C2CD5: variants seen among roughly 807,000 people sequenced by gnomAD.
The protein encoded by C2CD5 is C2 calcium dependent domain containing 5, also known as C2 domain-containing protein 5.
C2CD5 carries 109 observed loss-of-function variants against 130.3 expected under a neutral mutation model. The observed-to-expected ratio is 0.84, with a 90% CI of 0.72 to 0.98. The LOEUF (loss-of-function observed/expected upper bound fraction) is 0.98. Among genes scored for constraint, C2CD5 ranks in the 50% least tolerant of loss-of-function variants. C2CD5 has a pLI of 0.00. For synonymous variants in C2CD5, 454 were observed against 429.2 expected, an observed-to-expected ratio of 1.06 and a Z score of -0.71; for missense variants, 996 against 1,261.8, an observed-to-expected ratio of 0.79 and a Z score of 3.19.
intron 10 of C2CD5, among the ~76,000 whole-genome samples, chr12:22,499,675 A>G (rs764455383): frequency 6.6e-6 from 1 of 152,084 alleles, no homozygotes; most frequent in Non-Finnish European, 1.5e-5. Context: ...ATCTAATGCA[A>G]ATGTGCCCAT....
chr12:22,451,893 T>C (rs1443703756), intron 26 of C2CD5, among the ~76,000 whole-genome samples: 4 of 152,108 alleles, frequency 2.6e-5, no homozygotes, highest in African/African-American at 9.7e-5. Context: ...TAAAAGATAA[T>C]AGTAACAACT....
At chr12:22,483,358 CAA>C (rs980692263) in intron 13 of C2CD5, among the ~76,000 whole-genome samples, 22 of 151,410 alleles carry the variant, frequency 1.5e-4, no homozygotes, top group Middle Eastern at 3.4e-3. Flanking sequence ...AAAAAAAATA[CAA>C]AAGTCACTTG....
At chr12:22,502,281 AAC>A (rs1947896665) in intron 10 of C2CD5, among the ~76,000 whole-genome samples, 1 of 152,144 alleles carries the variant, frequency 6.6e-6, no homozygotes, top group South Asian at 2.1e-4. Flanking sequence ...TAAAAATGCT[AAC>A]AGTTACACTT....
At chr12:22,493,788 T>C (rs1385152538) in intron 10 of C2CD5, among the ~76,000 whole-genome samples, 1 of 152,014 alleles carries the variant, frequency 6.6e-6, no homozygotes. Context: ...TTGTGGGTTC[T>C]TTCCAAGGCA....
chr12:22,483,593 A>C (rs560889351), intron 13 of C2CD5, among the ~76,000 whole-genome samples: 2 of 152,314 alleles, frequency 1.3e-5, no homozygotes, highest in East Asian at 3.9e-4. Context: ...GCAGACCATC[A>C]AAAGAAATAC....
At chr12:22,497,887 C>T (rs986033055) in intron 10 of C2CD5, among the ~76,000 whole-genome samples, 1 of 142,928 alleles carries the variant, frequency 7.0e-6, no homozygotes, top group Non-Finnish European at 1.5e-5. Flanking sequence ...AATTTCACTA[C>T]ATACACGCAT....
chr12:22,492,385 C>T (rs1321224321), intron 11 of C2CD5, among the ~76,000 whole-genome samples: 1 of 152,110 alleles, frequency 6.6e-6, no homozygotes, highest in South Asian at 2.1e-4. Context: ...TATAAAAGAG[C>T]AAATGATATT....
intron 4 of C2CD5, among the ~76,000 whole-genome samples, chr12:22,526,609 T>C (rs1000780661): frequency 1.3e-5 from 2 of 152,144 alleles, no homozygotes; most frequent in Non-Finnish European, 2.9e-5. Flanking sequence ...TAGTGGCTCA[T>C]GCCTGTAATC....
At chr12:22,461,347 G>A (rs1199107001) in intron 22 of C2CD5, among the ~76,000 whole-genome samples, 2 of 152,054 alleles carry the variant, frequency 1.3e-5, no homozygotes, top group East Asian at 1.9e-4. Context: ...AAAGAGGAAC[G>A]GCTTAAAAAT....
rs987419520 is a variant in C2CD5 at position 22,461,904 on chromosome 12, GA to G, written c.2534-2363del. 2.8e-3 allele frequency among the ~76,000 whole-genome samples: 427 copies of G among 151,742 alleles called. 1 individual carries two copies. Among genetic ancestry groups the G allele is most frequent in the African/African-American group, 9.3e-3 (386 of 41,386 alleles). ...GCTTGCTATCTTAATTTTTCTCCTA[GA>G]AAAAAAAGGCCCAAGAGGCCCAAGG... is the stretch of plus-strand genomic sequence containing the variant. On this transcript the variant is annotated intron_variant, in intron 22 of 26. Transcript: ENST00000446597.
chr12:22,524,339 G>T (rs1950551322), intron 6 of C2CD5, 133 bp downstream of exon 6: 1 of 685,242 alleles, frequency 1.5e-6, no homozygotes, highest in Non-Finnish European at 2.5e-6. Flanking sequence ...CAGGAAGACT[G>T]GCCCAGGGGA....
At chr12:22,475,074 T>TAC (rs1490770480) in intron 15 of C2CD5, among the ~76,000 whole-genome samples, 183 bp from the exon 16 acceptor site, 2 of 152,108 alleles carry the variant, frequency 1.3e-5, no homozygotes, top group Non-Finnish European at 2.9e-5. Flanking sequence ...GCCTTAATGA[T>TAC]ACACGAATCA....
chr12:22,501,902 T>C (rs1195506355), intron 10 of C2CD5, among the ~76,000 whole-genome samples: 1 of 152,166 alleles, frequency 6.6e-6, no homozygotes, highest in Non-Finnish European at 1.5e-5. Context: ...TTTGCTTTTC[T>C]GTAAGATATA....
chr12:22,503,529 G>A (rs998435673), intron 10 of C2CD5, among the ~76,000 whole-genome samples: 5 of 152,000 alleles, frequency 3.3e-5, no homozygotes, highest in African/African-American at 7.3e-5. Flanking sequence ...TTTATTTTTT[G>A]AGATGGAGTC....
chr12:22,484,232 A>C (rs1324738816), intron 13 of C2CD5: 1 of 152,594 alleles, frequency 6.6e-6, no homozygotes, highest in African/African-American at 2.4e-5. Flanking sequence ...GGATTTGGTA[A>C]CCTGGCAGCT....
intron 10 of C2CD5, among the ~76,000 whole-genome samples, chr12:22,495,046 T>G (rs529739641): frequency 3.9e-5 from 6 of 152,218 alleles, no homozygotes; most frequent in African/African-American, 1.4e-4. Flanking sequence ...AGAAAATAAT[T>G]GTCACAACCA....
chr12:22,504,588 G>T (rs985333108), intron 10 of C2CD5, among the ~76,000 whole-genome samples: 1 of 152,152 alleles, frequency 6.6e-6, no homozygotes, highest in Non-Finnish European at 1.5e-5. Context: ...GATTACAGGC[G>T]TGAGCCTCCG....
chr12:22,469,078 A>C (rs1942579500), intron 22 of C2CD5, among the ~76,000 whole-genome samples: 2 of 152,320 alleles, frequency 1.3e-5, no homozygotes, highest in South Asian at 4.1e-4. Context: ...AAATCAGATG[A>C]GAAATGGAAA....
intron 17 of C2CD5, 98 bp from the exon 18 acceptor site, chr12:22,472,445 C>A: frequency 1.4e-6 from 1 of 689,796 alleles, no homozygotes; most frequent in Non-Finnish European, 2.5e-6. Flanking sequence ...CTAACTATAA[C>A]ACCCTTCATT....
Sources: gnomAD v4.1 joint callset for allele counts (sites outside exome capture counted in the v4.1 genomes callset) on GRCh38, gnomAD v4.1.1 for gene constraint, MANE v1.5 for transcripts, NCBI Gene and HGNC (gene_info 2026-07-23, HGNC 2026-07-21) for gene names.